The following WWOX variants were observed in gnomAD, a reference collection of about 807,000 sequenced individuals.
The protein encoded by WWOX is WW domain containing oxidoreductase.
In WWOX, 69 loss-of-function variants were observed where a neutral mutation model predicts 46.2. That is an observed-to-expected ratio of 1.49 (90% CI 1.23 to 1.82). The LOEUF is 1.82. Ranked by LOEUF, WWOX falls within the 40% of genes most tolerant of loss-of-function variation. The pLI is 0.00. For synonymous variants in WWOX, 359 were observed against 202.6 expected (o/e 1.77, Z -6.56); for missense variants, 919 against 542.6 (o/e 1.69, Z -6.89).
chr16:78,247,871 A>G (rs555663578), intron 5 of WWOX, among the ~76,000 whole-genome samples: 15 of 152,256 alleles, frequency 9.9e-5, no homozygotes, highest in Non-Finnish European at 1.5e-4. Context: ...CTTATGTAGA[A>G]CCCAACTGCA....
At chr16:79,112,556 C>G (rs575830242) in intron 8 of WWOX, among the ~76,000 whole-genome samples, 206 of 152,282 alleles carry the variant, frequency 1.4e-3, no homozygotes, top group African/African-American at 4.9e-3. Flanking sequence ...CAAACGGGAG[C>G]AAGACACCAG....
intron 5 of WWOX, among the ~76,000 whole-genome samples, chr16:78,357,121 C>G (rs533033748): frequency 2.0e-5 from 3 of 152,126 alleles, no homozygotes; most frequent in Non-Finnish European, 2.9e-5. Flanking sequence ...TTTCTCAGAG[C>G]CTTCGTGGCC....
chr16:78,128,123 G>A (rs2033436510), intron 4 of WWOX, among the ~76,000 whole-genome samples: 1 of 152,138 alleles, frequency 6.6e-6, no homozygotes. Flanking sequence ...ATTAGGGTTG[G>A]AAGAAGATGG....
chr16:78,673,158 C>T (rs1232352123), intron 8 of WWOX, among the ~76,000 whole-genome samples: 1 of 152,194 alleles, frequency 6.6e-6, no homozygotes, highest in African/African-American at 2.4e-5. Context: ...TCCTCATTCT[C>T]ATTCACGGGA....
At position 79,101,729 on chromosome 16, in the gene WWOX, G is replaced by C. The variant is rs569427160; in HGVS notation, c.1057-109879G>C. On this transcript the variant is annotated intron_variant, in intron 8 of 8. Transcript: ENST00000566780. ...TTTCTCATCCTCTCTCTCTTTCTCT[G>C]TATTACTTAGCCTTAAAAAAAAAAA... 2.2e-5 allele frequency: 3 copies of C among 136,964 alleles called. No individual in the cohort carries two copies. The East Asian group carries it at 6.5e-4, about 30-fold the overall frequency. 8.5% of individuals were successfully genotyped at this position (136,964 alleles called of 1,614,324 possible). A position where few individuals can be genotyped will look rare whatever the true frequency, so the allele number is the denominator to read the frequency against.
chr16:78,766,224 A>G (rs57253894), intron 8 of WWOX, among the ~76,000 whole-genome samples: 2 of 152,342 alleles, frequency 1.3e-5, no homozygotes, highest in East Asian at 1.9e-4. Context: ...GGATTCCACC[A>G]GGTAAACTTG....
At chr16:78,491,372 A>T (rs1327076150) in intron 8 of WWOX, among the ~76,000 whole-genome samples, 1 of 152,178 alleles carries the variant, frequency 6.6e-6, no homozygotes, top group Non-Finnish European at 1.5e-5. Context: ...CTGACAACCT[A>T]ATAGGTGCTC....
intron 5 of WWOX, among the ~76,000 whole-genome samples, chr16:78,267,986 T>A (rs554760272): frequency 8.6e-4 from 131 of 152,234 alleles, no homozygotes; most frequent in African/African-American, 3.1e-3. Context: ...CCTGGCTAAG[T>A]TTTTGTACTT....
At chr16:78,619,143 ATATATATATATAT>A (rs2046109285) in intron 8 of WWOX, among the ~76,000 whole-genome samples, 1 of 3,526 alleles carries the variant, frequency 2.8e-4, no homozygotes, top group Non-Finnish European at 5.1e-4. Flanking sequence ...TAAAAAAAAA[ATATATATATATAT>A]ATATATATAT....
intron 5 of WWOX, among the ~76,000 whole-genome samples, chr16:78,221,856 C>T (rs1597369160): frequency 6.6e-6 from 1 of 152,294 alleles, no homozygotes; most frequent in East Asian, 1.9e-4. Context: ...CCTCCAAAAC[C>T]TTATTTCCAA....
At chr16:78,517,855 ATTTTTTTT>A (rs11342538) in intron 8 of WWOX, among the ~76,000 whole-genome samples, 2 of 86,398 alleles carry the variant, frequency 2.3e-5, no homozygotes, top group African/African-American at 4.0e-5. Flanking sequence ...TACACAACCT[ATTTTTTTT>A]TTTTTTTTTT....
chr16:78,222,865 C>CCGCT lies in WWOX; in HGVS notation c.516+58581_516+58584dup, dbSNP rs537622639. ...ATAAGTAATCTCACAAAAGATCTTC[C>CCGCT]CGCTCGCTGTGGAGCGCCTCCAGAA... On this transcript the variant is annotated intron_variant, in intron 5 of 8. Coordinates refer to ENST00000566780, the MANE Select transcript of WWOX (RefSeq NM_016373.4). Among the ~76,000 whole-genome samples the CCGCT allele has an allele frequency of 6.6e-4, 100 of 152,286 alleles. 1 individual carries two copies. Among genetic ancestry groups the CCGCT allele is most frequent in the African/African-American group, 2.4e-3 (98 of 41,546 alleles).
chr16:79,078,419 G>A (rs1026671593), intron 8 of WWOX, among the ~76,000 whole-genome samples: 1 of 152,186 alleles, frequency 6.6e-6, no homozygotes, highest in Non-Finnish European at 1.5e-5. Context: ...GAAGGAGAAA[G>A]TGTCCTGTGT....
rs189466457 is a variant in WWOX at position 78,724,590 on chromosome 16, C to T, written c.1056+291838C>T. ...GGAGGGGAATTTGGGGACATTGACC[C>T]ACTTATGTGTAGTCCCCTAGTGAAA... On this transcript the variant is annotated intron_variant, in intron 8 of 8. Transcript: ENST00000566780. Among the ~76,000 whole-genome samples, 12 of 152,262 alleles carry T rather than the reference C, an allele frequency of 7.9e-5. No homozygotes were observed. The East Asian group carries it at 2.3e-3, about 29-fold the overall frequency.
intron 5 of WWOX, among the ~76,000 whole-genome samples, chr16:78,301,935 A>G (rs968324795): frequency 2.0e-5 from 3 of 151,878 alleles, no homozygotes; most frequent in Non-Finnish European, 1.5e-5. Context: ...CATCAAAGTA[A>G]CATTCTAAAA....
rs2080969016 is a variant in WWOX, at chr16:78,339,618, A to ATG, written c.517-47232_517-47231dup. ...GCTTTCTGAAAAAGGATGATAGAATATGTGTGTGTGTCTGTGTGTGTGTAT... is the reference window on the plus strand; with the variant it reads ...GCTTTCTGAAAAAGGATGATAGAATATGTGTGTGTGTGTCTGTGTGTGTGTAT... On this transcript the variant is annotated intron_variant, in intron 5 of 8. Coordinates refer to ENST00000566780, the MANE Select transcript of WWOX (RefSeq NM_016373.4). Among the ~76,000 whole-genome samples the ATG allele has an allele frequency of 1.7e-5, 2 of 119,252 alleles. 1 individual carries two copies. The highest frequency in any genetic ancestry group is 5.7e-5 in the African/African-American group (2 of 35,264). 78.2% of individuals were successfully genotyped at this position (119,252 alleles called of 152,430 possible).
At chr16:78,197,578 G>T (rs1359854700) in intron 5 of WWOX, among the ~76,000 whole-genome samples, 1 of 152,114 alleles carries the variant, frequency 6.6e-6, no homozygotes, top group African/African-American at 2.4e-5. Context: ...AAATATCTGT[G>T]AATAAACTCA....
intron 8 of WWOX, among the ~76,000 whole-genome samples, chr16:78,648,167 G>T (rs2046886278): frequency 6.6e-6 from 1 of 152,088 alleles, no homozygotes; most frequent in Admixed American, 6.5e-5. Flanking sequence ...CCCAGGAGTT[G>T]AATGAAAAAC....
At chr16:79,183,212 G>T (rs2050947195) in intron 8 of WWOX, among the ~76,000 whole-genome samples, 1 of 152,188 alleles carries the variant, frequency 6.6e-6, no homozygotes, top group South Asian at 2.1e-4. Flanking sequence ...CACTGTCTGT[G>T]GCTGACCAGC....
Sources: allele counts gnomAD v4.1 joint callset (sites outside exome capture counted in the v4.1 genomes callset), GRCh38; gene constraint gnomAD v4.1.1; transcripts MANE v1.5; gene names NCBI Gene and HGNC (gene_info 2026-07-23, HGNC 2026-07-21).